Variants in GABRA2 observed in about 807,000 individuals in gnomAD.
GABRA2 encodes the protein gamma-aminobutyric acid type A receptor subunit alpha2, also known as gamma-aminobutyric acid receptor subunit alpha-2.
In GABRA2, 16 loss-of-function variants were observed where a neutral mutation model predicts 48.7. The observed-to-expected ratio is 0.33, with a 90% CI of 0.22 to 0.50. The LOEUF (loss-of-function observed/expected upper bound fraction) is 0.50. Ranked by LOEUF, GABRA2 falls within the 20% of genes least tolerant of loss-of-function variation. The probability of loss-of-function intolerance (pLI) is 0.98; values close to 1 mark genes in which losing one functional copy is unlikely to be tolerated. For synonymous variants in GABRA2, 185 were observed against 184.5 expected, an observed-to-expected ratio of 1.00 and a Z score of -0.02; for missense variants, 275 against 535.6, an observed-to-expected ratio of 0.51 and a Z score of 4.80.
At chr4:46,331,819 C>T (rs553071161) in intron 4 of GABRA2, among the ~76,000 whole-genome samples, 9 of 152,192 alleles carry the variant, frequency 5.9e-5, no homozygotes, top group East Asian at 3.9e-4. Flanking sequence ...GCAACTTCGA[C>T]CTCCTGGGCT....
chr4:46,386,358 T>C (rs1717458424), intron 2 of GABRA2, among the ~76,000 whole-genome samples, 169 bp from the exon 3 acceptor site: 1 of 152,154 alleles, frequency 6.6e-6, no homozygotes, highest in Non-Finnish European at 1.5e-5. Context: ...TCAAAAAAGG[T>C]AAACATGAAA....
intron 3 of GABRA2, among the ~76,000 whole-genome samples, chr4:46,377,270 C>T (rs2109335559): frequency 6.6e-6 from 1 of 151,194 alleles, no homozygotes; most frequent in South Asian, 2.1e-4. Flanking sequence ...GCCCGGCCGC[C>T]ATCCCATCTA....
At chr4:46,257,311 A>G (rs1332862116) in intron 9 of GABRA2, among the ~76,000 whole-genome samples, 1 of 151,724 alleles carries the variant, frequency 6.6e-6, no homozygotes, top group African/African-American at 2.4e-5. Context: ...AGTTAGCAGC[A>G]GAAGAAGAGG....
intron 3 of GABRA2, among the ~76,000 whole-genome samples, chr4:46,357,367 A>C (rs1736163216): frequency 1.3e-5 from 2 of 149,030 alleles, no homozygotes; most frequent in African/African-American, 5.0e-5. Flanking sequence ...TAAGCCCTAA[A>C]CAGCTACAGA....
intron 3 of GABRA2, among the ~76,000 whole-genome samples, chr4:46,349,174 T>C (rs1173683363): frequency 1.3e-5 from 2 of 152,148 alleles, no homozygotes; most frequent in East Asian, 1.9e-4. Flanking sequence ...TAATTCTATA[T>C]GCACTGGGAA....
chr4:46,278,557 G>A (rs1414447592), intron 8 of GABRA2, among the ~76,000 whole-genome samples: 1 of 152,018 alleles, frequency 6.6e-6, no homozygotes, highest in Non-Finnish European at 1.5e-5. Flanking sequence ...CCCTCTTTAT[G>A]GTACAATAAT....
chr4:46,365,763 A>T (rs1713939386), intron 3 of GABRA2: 1 of 152,140 alleles, frequency 6.6e-6, no homozygotes, highest in Non-Finnish European at 1.5e-5. Context: ...CAAGCTCCAA[A>T]GCCTGATCTT....
At position 46,261,444 on chromosome 4, in the gene GABRA2, A is replaced by G. The variant is rs16859267; in HGVS notation, c.1059+482T>C. 4.2e-3 allele frequency: 682 copies of G among 162,614 alleles called. 6 individuals carry two copies. The highest frequency in any genetic ancestry group is 0.015 in the African/African-American group (642 of 41,716). 10.1% of individuals were successfully genotyped at this position (162,614 alleles called of 1,614,324 possible). On this transcript the variant is annotated intron_variant, in intron 9 of 9. Transcript: ENST00000381620. ...TAGAGCCTGGAATTCTATAATAAGTAAAATTAATGCCCATTTTCTTTTTCT... is the reference window on the plus strand; with the variant it reads ...TAGAGCCTGGAATTCTATAATAAGTGAAATTAATGCCCATTTTCTTTTTCT...
At chr4:46,303,687 G>A in intron 7 of GABRA2, 75 bp from the exon 8 acceptor site, 1 of 1,324,480 alleles carries the variant, frequency 7.6e-7, no homozygotes, top group Non-Finnish European at 1.1e-6. Flanking sequence ...AGGGATCAGA[G>A]GTAGAACAAA....
chr4:46,349,716 T>C (rs1165967738), intron 3 of GABRA2, among the ~76,000 whole-genome samples: 2 of 151,942 alleles, frequency 1.3e-5, no homozygotes, highest in Admixed American at 6.6e-5. Flanking sequence ...TCAGTACTTA[T>C]AACACAGAGC....
intron 8 of GABRA2, among the ~76,000 whole-genome samples, chr4:46,264,355 G>A (rs946443416): frequency 6.6e-6 from 1 of 151,970 alleles, no homozygotes; most frequent in African/African-American, 2.4e-5. Context: ...GTAGTATAAC[G>A]TTGAATAGAA....
At chr4:46,335,355 G>A (rs1309195233) in intron 3 of GABRA2, among the ~76,000 whole-genome samples, 1 of 152,138 alleles carries the variant, frequency 6.6e-6, no homozygotes, top group Non-Finnish European at 1.5e-5. Flanking sequence ...ACAATATTCT[G>A]ATCCATTGAA....
chr4:46,344,459 G>T (rs989338682), intron 3 of GABRA2, among the ~76,000 whole-genome samples: 1 of 151,928 alleles, frequency 6.6e-6, no homozygotes, highest in Non-Finnish European at 1.5e-5. Flanking sequence ...TCAAAAAGCC[G>T]TGAGAAATTT....
At chr4:46,264,033 C>A (rs918885787) in intron 8 of GABRA2, among the ~76,000 whole-genome samples, 3 of 150,700 alleles carry the variant, frequency 2.0e-5, no homozygotes, top group Non-Finnish European at 4.4e-5. Context: ...GTGTATAAGT[C>A]TTTCATCTCC....
chr4:46,265,466 T>A (rs941802975), intron 8 of GABRA2, among the ~76,000 whole-genome samples: 1 of 116,380 alleles, frequency 8.6e-6, no homozygotes, highest in African/African-American at 4.4e-5. Flanking sequence ...ATAATATATA[T>A]ATAATATATT....
At chr4:46,373,127 G>A (rs929628119) in intron 3 of GABRA2, among the ~76,000 whole-genome samples, 1 of 152,156 alleles carries the variant, frequency 6.6e-6, no homozygotes, top group African/African-American at 2.4e-5. Flanking sequence ...ACCAGACTGG[G>A]TGGGGTAGTA....
At chr4:46,354,275 G>T (rs904930647) in intron 3 of GABRA2, among the ~76,000 whole-genome samples, 1 of 152,150 alleles carries the variant, frequency 6.6e-6, no homozygotes, top group Non-Finnish European at 1.5e-5. Flanking sequence ...GTTAACTGCT[G>T]TGACATGTTG....
chr4:46,287,247 G>T (rs1307467655), intron 8 of GABRA2, among the ~76,000 whole-genome samples: 3 of 151,598 alleles, frequency 2.0e-5, no homozygotes, highest in Non-Finnish European at 4.4e-5. Flanking sequence ...TAACAACCCT[G>T]TTGAAAATCA....
chr4:46,263,057 T>C (rs111928280), intron 8 of GABRA2, among the ~76,000 whole-genome samples: 1 of 22,358 alleles, frequency 4.5e-5, no homozygotes, highest in African/African-American at 3.7e-4. Context: ...GAATAGAATA[T>C]AAGACAAATA....
Sources: allele counts gnomAD v4.1 joint callset (sites outside exome capture counted in the v4.1 genomes callset), GRCh38; gene constraint gnomAD v4.1.1; transcripts MANE v1.5; gene names NCBI Gene and HGNC (gene_info 2026-07-23, HGNC 2026-07-21).